Variants in SMIM31 observed in about 807,000 individuals in gnomAD.
SMIM31 encodes small integral membrane protein 31.
At chr4:164,793,874 G>GT (rs1238629683) in intron 2 of SMIM31, among the ~76,000 whole-genome samples, 3 of 151,996 alleles carry the variant, frequency 2.0e-5, no homozygotes, top group African/African-American at 7.3e-5. Flanking sequence ...AGATCTAAAC[G>GT]TAAGACTCAA....
At chr4:164,757,521 C>CT (rs145198184) in intron 1 of SMIM31, among the ~76,000 whole-genome samples, 1,720 of 146,218 alleles carry the variant, frequency 0.012, 32 homozygotes, top group African/African-American at 0.039. Flanking sequence ...CTCCACTATG[C>CT]TTTTTTTTTT....
At chr4:164,794,792 A>C (rs1733167006) in intron 2 of SMIM31, among the ~76,000 whole-genome samples, 1 of 152,034 alleles carries the variant, frequency 6.6e-6, no homozygotes, top group South Asian at 2.1e-4. Context: ...CAACAGAGCA[A>C]GACTCCGTCT....
At chr4:164,788,436 G>T (rs1031729086) in intron 2 of SMIM31, among the ~76,000 whole-genome samples, 1 of 141,280 alleles carries the variant, frequency 7.1e-6, no homozygotes, top group Non-Finnish European at 1.5e-5. Context: ...CTAACTACTC[G>T]TGGCCAATCC....
intron 1 of SMIM31, among the ~76,000 whole-genome samples, chr4:164,769,636 C>T (rs1434488451): frequency 6.6e-6 from 1 of 151,302 alleles, no homozygotes; most frequent in Non-Finnish European, 1.5e-5. Flanking sequence ...AGGAGATATA[C>T]CTAATGTTAA....
At position 164,788,478 on chromosome 4, in the gene SMIM31, C is replaced by CTTTTTTTTTT. The variant is rs72177805; in HGVS notation, c.113-12594_113-12585dup. Among the ~76,000 whole-genome samples the CTTTTTTTTTT allele has an allele frequency of 1.1e-3, 66 of 58,192 alleles. 9 individuals carry two copies. The highest frequency in any genetic ancestry group is 2.2e-3 in the African/African-American group (30 of 13,858). The allele number at this position is 58,192 out of a possible 152,430, so 38.2% of individuals were successfully genotyped here. A position where few individuals can be genotyped will look rare whatever the true frequency, so the allele number is the denominator to read the frequency against. On this transcript the variant is annotated intron_variant, in intron 2 of 2. Transcript: ENST00000507311. ...ATAAAATTTCTTTCTTCTAATTTTTCTTTTTTTTTTTTTTTTTTTTTTTTT... is the reference window on the plus strand; with the variant it reads ...ATAAAATTTCTTTCTTCTAATTTTTCTTTTTTTTTTTTTTTTTTTTTTTTTTTTTTTTTTT...
intron 2 of SMIM31, among the ~76,000 whole-genome samples, chr4:164,795,829 G>C (rs966192649): frequency 6.6e-5 from 10 of 152,106 alleles, no homozygotes; most frequent in Non-Finnish European, 1.2e-4. Flanking sequence ...TGCCGGGGCT[G>C]CATAGTATAA....
intron 1 of SMIM31, among the ~76,000 whole-genome samples, chr4:164,755,171 A>T (rs1428273749): frequency 1.3e-5 from 2 of 151,596 alleles, no homozygotes; most frequent in Non-Finnish European, 2.9e-5. Flanking sequence ...ATTTAATTAG[A>T]AATATTTTTC....
chr4:164,764,353 G>A (rs1732691690), intron 1 of SMIM31, among the ~76,000 whole-genome samples: 1 of 152,014 alleles, frequency 6.6e-6, no homozygotes, highest in South Asian at 2.1e-4. Context: ...CAGATCATGA[G>A]GTCAAGAGAT....
intron 2 of SMIM31, among the ~76,000 whole-genome samples, chr4:164,781,171 C>T (rs1732944995): frequency 6.6e-6 from 1 of 150,440 alleles, no homozygotes; most frequent in Non-Finnish European, 1.5e-5. Context: ...ATACCAAGTA[C>T]TGCTGAAGAT....
At chr4:164,789,662 T>C (rs538437115) in intron 2 of SMIM31, among the ~76,000 whole-genome samples, 30 of 152,184 alleles carry the variant, frequency 2.0e-4, no homozygotes, top group Non-Finnish European at 4.1e-4. Context: ...TACAGAGATG[T>C]AAGGGTTTAA....
intron 2 of SMIM31, 118 bp downstream of exon 2, chr4:164,770,673 T>A: frequency 2.5e-6 from 1 of 395,396 alleles, no homozygotes; most frequent in Admixed American, 4.4e-5. Flanking sequence ...AGGATAACTT[T>A]GTTTTTGTTT....
intron 1 of SMIM31, among the ~76,000 whole-genome samples, chr4:164,766,285 T>A (rs1406437977): frequency 1.3e-5 from 2 of 152,152 alleles, no homozygotes; most frequent in Non-Finnish European, 2.9e-5. Context: ...TCCAAATACA[T>A]CTTCAATCCA....
chr4:164,772,577 TTTATTTTA>T (rs1433221653), intron 2 of SMIM31, among the ~76,000 whole-genome samples: 10 of 74,860 alleles, frequency 1.3e-4, no homozygotes, highest in Non-Finnish European at 2.9e-4. Context: ...TTTTTTTATT[TTTATTTTA>T]TTTTTTTTTT....
chr4:164,792,068 C>G (rs1318559457), intron 2 of SMIM31, among the ~76,000 whole-genome samples: 6 of 152,178 alleles, frequency 3.9e-5, no homozygotes, highest in Non-Finnish European at 7.3e-5. Flanking sequence ...CAGTGCGTCT[C>G]AAAACTTTAA....
At chr4:164,777,486 T>G (rs1212458360) in intron 2 of SMIM31, among the ~76,000 whole-genome samples, 1 of 152,208 alleles carries the variant, frequency 6.6e-6, no homozygotes, top group Non-Finnish European at 1.5e-5. Flanking sequence ...AGGTAGCACA[T>G]AGTGACGCGG....
In SMIM31 at chr4:164,803,448, G is replaced by C. The variant is rs1022312118; in HGVS notation, c.*2254G>C. The C allele has an allele frequency of 6.6e-6, 1 of 152,070 alleles. No individual in the cohort carries two copies. The highest frequency in any genetic ancestry group is 2.4e-5 in the African/African-American group (1 of 41,394). 9.4% of individuals were successfully genotyped at this position (152,070 alleles called of 1,614,324 possible). A position where few individuals can be genotyped will look rare whatever the true frequency, so the allele number is the denominator to read the frequency against. ...ATAAAAAATTTTAAAAACCTGTCAAGTTAGATGTTAAAGAGGACATGTAAA... is the reference window on the plus strand; with the variant it reads ...ATAAAAAATTTTAAAAACCTGTCAACTTAGATGTTAAAGAGGACATGTAAA... On this transcript the variant is annotated 3_prime_UTR_variant, in exon 3 of 3. Coordinates refer to ENST00000507311, the MANE Select transcript of SMIM31 (RefSeq NM_001352885.1).
intron 2 of SMIM31, among the ~76,000 whole-genome samples, chr4:164,773,107 T>C (rs1324553286): frequency 6.9e-6 from 1 of 144,284 alleles, no homozygotes. Context: ...GCTAAAAAGA[T>C]ATAACAAGAT....
intron 2 of SMIM31, among the ~76,000 whole-genome samples, chr4:164,792,155 A>G (rs1042778668): frequency 6.6e-6 from 1 of 152,254 alleles, no homozygotes; most frequent in African/African-American, 2.4e-5. Flanking sequence ...GCATTGTTTC[A>G]GAATGCTCTC....
chr4:164,781,987 C>G (rs1732955711), intron 2 of SMIM31, among the ~76,000 whole-genome samples: 1 of 152,154 alleles, frequency 6.6e-6, no homozygotes, highest in African/African-American at 2.4e-5. Context: ...ATGGGCCTAT[C>G]TACCTTAAAA....
Sources: allele counts gnomAD v4.1 joint callset (sites outside exome capture counted in the v4.1 genomes callset), GRCh38; gene constraint gnomAD v4.1.1; transcripts MANE v1.5; gene names NCBI Gene and HGNC (gene_info 2026-07-23, HGNC 2026-07-21).